The following BARD1 variants were observed in gnomAD, a reference collection of about 807,000 sequenced individuals.
BARD1 encodes BRCA1-associated RING domain protein 1.
BARD1 carries 73 observed loss-of-function variants against 77.0 expected under a neutral mutation model. The observed-to-expected ratio is 0.95, with a 90% CI of 0.79 to 1.15. BARD1 has a LOEUF of 1.15. Ranked by LOEUF, BARD1 falls within the 50% of genes most tolerant of loss-of-function variation. The pLI, the probability that BARD1 is intolerant of heterozygous loss-of-function variation, is 0.00. For missense variants in BARD1, 993 were observed against 938.8 expected (o/e 1.06, Z -0.75); for synonymous variants, 384 against 338.0 (o/e 1.14, Z -1.49).
At chr2:214,797,021 A>G in intron 2 of BARD1, 40 bp downstream of exon 2, 1 of 1,472,410 alleles carries the variant, frequency 6.8e-7, no homozygotes. Flanking sequence ...TCTAGTAAAA[A>G]ATACAGTTGT....
intron 1 of BARD1, among the ~76,000 whole-genome samples, chr2:214,798,131 T>C (rs914533538): frequency 6.6e-6 from 1 of 152,146 alleles, no homozygotes; most frequent in African/African-American, 2.4e-5. Context: ...ATTCTTCACA[T>C]TTCTTGAAAG....
intron 5 of BARD1, 39 bp downstream of exon 5, chr2:214,769,193 A>G (rs754069344): frequency 6.5e-7 from 1 of 1,534,366 alleles, no homozygotes; most frequent in East Asian, 2.3e-5. Flanking sequence ...TAAGAACTGT[A>G]AAACACAGAA....
rs770753803 is a variant in BARD1 at position 214,809,522 on chromosome 2, G to A, written c.48C>T (p.Ser16=). 5.0e-6 allele frequency: 8 copies of A among 1,592,324 alleles called. No homozygotes were observed. The African/African-American group carries it at 9.4e-5, about 19-fold the overall frequency. Residue 16 remains serine, a synonymous_variant, in exon 1 of 11, where the codon TCC becomes TCT. Coordinates refer to ENST00000260947, the MANE Select transcript of BARD1 (RefSeq NM_000465.4). ...CGGGCGCGGAACGAGGCTCGTTCCCGGAGCGGATCCTCGGCTGCCGGTTCC... is the reference window on the plus strand; with the variant it reads ...CGGGCGCGGAACGAGGCTCGTTCCCAGAGCGGATCCTCGGCTGCCGGTTCC... ...QPRNRQPRIR[S]GNEPRSAPAM...
Position 214,780,806 on chromosome 2 carries a change from A to G in BARD1, c.1068T>C (p.Asn356=). 6.2e-7 allele frequency: 1 copy of G among 1,614,024 alleles called. No homozygotes were observed. The highest frequency in any genetic ancestry group is 8.5e-7 in the Non-Finnish European group (1 of 1,179,960). ...DFVKQTVPSE[N]IPLPECSSPP... ...GTGAAGAACATTCAGGCAATGGTAT[A>G]TTTTCTGAGGGCACCGTTTGCTTAA... Residue 356 remains asparagine (N), a synonymous_variant, in exon 4 of 11, where the codon AAT becomes AAC. Transcript: ENST00000260947.
intron 9 of BARD1, among the ~76,000 whole-genome samples, chr2:214,732,227 C>T (rs1692386133): frequency 2.0e-5 from 3 of 152,160 alleles, no homozygotes; most frequent in African/African-American, 7.2e-5. Context: ...AACCACTACT[C>T]GGCATGTAAA....
intron 4 of BARD1, among the ~76,000 whole-genome samples, chr2:214,776,359 T>C (rs1335841302): frequency 1.3e-5 from 2 of 152,192 alleles, no homozygotes; most frequent in East Asian, 3.8e-4. Context: ...GCAAAAGTAA[T>C]TGTGGTAATA....
chr2:214,785,534 GA>G (rs1695233712), intron 3 of BARD1, among the ~76,000 whole-genome samples: 1 of 151,954 alleles, frequency 6.6e-6, no homozygotes, highest in African/African-American at 2.4e-5. Flanking sequence ...GTTTACGTAA[GA>G]GATGTTAGAA....
chr2:214,804,773 C>T (rs1228666457), intron 1 of BARD1, among the ~76,000 whole-genome samples: 2 of 152,154 alleles, frequency 1.3e-5, no homozygotes, highest in African/African-American at 4.8e-5. Flanking sequence ...TTCACCTGAC[C>T]CAGTCCCCCT....
At chr2:214,794,610 T>C (rs1481133044) in intron 2 of BARD1, among the ~76,000 whole-genome samples, 1 of 152,234 alleles carries the variant, frequency 6.6e-6, no homozygotes, top group East Asian at 1.9e-4. Context: ...CTCAGTTTTG[T>C]ACGGTAAATG....
intron 7 of BARD1, 92 bp from the exon 8 acceptor site, chr2:214,745,946 T>C: frequency 7.1e-7 from 1 of 1,407,102 alleles, no homozygotes; most frequent in East Asian, 2.3e-5. Context: ...AGCTTGAATT[T>C]CATTACTTAG....
intron 6 of BARD1, among the ~76,000 whole-genome samples, chr2:214,754,130 A>G (rs771996071): frequency 6.6e-6 from 1 of 152,096 alleles, no homozygotes; most frequent in African/African-American, 2.4e-5. Flanking sequence ...CCTCACCCAC[A>G]TATGCTATAC....
Position 214,728,302 on chromosome 2 carries a change from G to T in BARD1, c.*374C>A. ...TTACTAAAAAAAAAAAAAAAAAAAA[G>T]GCAAGTTTTTTCACTGGTGGCAGGT... On this transcript the variant is annotated 3_prime_UTR_variant, in exon 11 of 11. Transcript: ENST00000260947. 1 of 169,346 alleles carries T rather than the reference G, an allele frequency of 5.9e-6. No individual in the cohort carries two copies. Among genetic ancestry groups the T allele is most frequent in the South Asian group, 2.5e-4 (1 of 3,984 alleles). The allele number at this position is 169,346 out of a possible 1,614,324, so 10.5% of individuals were successfully genotyped here.
chr2:214,728,286 A>AG lies in BARD1; in HGVS notation c.*389_*390insC. ...TTTGATAATATTCTGTTTACTAAAA[A>AG]AAAAAAAAAAAAAAAGGCAAGTTTT... is the stretch of plus-strand genomic sequence containing the variant. On this transcript the variant is annotated 3_prime_UTR_variant, in exon 11 of 11. Coordinates refer to ENST00000260947, the MANE Select transcript of BARD1 (RefSeq NM_000465.4). 8.4e-6 allele frequency: 2 copies of AG among 238,478 alleles called. No homozygotes were observed. The highest frequency in any genetic ancestry group is 8.2e-6 in the Non-Finnish European group (1 of 122,506). 14.8% of individuals were successfully genotyped at this position (238,478 alleles called of 1,614,324 possible). A position where few individuals can be genotyped will look rare whatever the true frequency, so the allele number is the denominator to read the frequency against.
Position 214,762,281 on chromosome 2 carries a change from C to A in BARD1, c.1568+5201G>T, listed in dbSNP as rs572453799. Among the ~76,000 whole-genome samples the A allele has an allele frequency of 7.2e-5, 11 of 152,264 alleles. No homozygotes were observed. In the East Asian group the frequency reaches 2.1e-3, roughly 29 times the overall value. On this transcript the variant is annotated intron_variant, in intron 6 of 10. Transcript: ENST00000260947. ...TTTCACATTTAGTCTTGAGAACCAT[C>A]CCTAAGACATCTCATTACGTATATG...
chr2:214,730,923 T>C, intron 9 of BARD1: 1 of 456,514 alleles, frequency 2.2e-6, no homozygotes, highest in South Asian at 1.6e-5. Flanking sequence ...ATACTGCTCA[T>C]TTTGACAGTT....
chr2:214,746,775 CA>C (rs1441120847), intron 7 of BARD1, among the ~76,000 whole-genome samples: 1 of 152,016 alleles, frequency 6.6e-6, no homozygotes, highest in Non-Finnish European at 1.5e-5. Flanking sequence ...TAGGCAATAC[CA>C]TTCAGGACAT....
intron 6 of BARD1, among the ~76,000 whole-genome samples, chr2:214,763,549 C>G (rs1371946730): frequency 1.3e-5 from 2 of 152,140 alleles, no homozygotes; most frequent in African/African-American, 4.8e-5. Context: ...TAGAAATTTA[C>G]AGTAAGCAAA....
chr2:214,799,694 T>C (rs1695927739), intron 1 of BARD1, among the ~76,000 whole-genome samples: 1 of 152,180 alleles, frequency 6.6e-6, no homozygotes, highest in Non-Finnish European at 1.5e-5. Flanking sequence ...GAACAGGTAA[T>C]CTCTCCTTTG....
chr2:214,797,267 C>A (rs1176494110), intron 1 of BARD1, 150 bp from the exon 2 acceptor site: 17 of 729,248 alleles, frequency 2.3e-5, no homozygotes, highest in Non-Finnish European at 4.3e-5. Flanking sequence ...AAGGCTGTTA[C>A]TCCCTGGTTA....
Sources: allele counts gnomAD v4.1 joint callset (sites outside exome capture counted in the v4.1 genomes callset), GRCh38; gene constraint gnomAD v4.1.1; transcripts MANE v1.5; gene names NCBI Gene and HGNC (gene_info 2026-07-23, HGNC 2026-07-21).